Variants in HNF1B observed in about 807,000 individuals in gnomAD.
The protein encoded by HNF1B is HNF1 homeobox B.
HNF1B carries 8 observed loss-of-function variants against 61.7 expected under a neutral mutation model. The ratio of observed to expected loss-of-function variants is 0.13; its 90% CI spans 0.08 to 0.23. HNF1B has a LOEUF of 0.23. Among genes scored for constraint, HNF1B ranks in the 10% least tolerant of loss-of-function variants. The probability of loss-of-function intolerance (pLI) is 1.00; values close to 1 mark genes in which losing one functional copy is unlikely to be tolerated. For missense variants in HNF1B, 562 were observed against 714.5 expected (o/e 0.79, Z 2.43); for synonymous variants, 314 against 287.7 (o/e 1.09, Z -0.93).
At chr17:37,711,120 T>C (rs1568646115) in intron 4 of HNF1B, among the ~76,000 whole-genome samples, 1 of 152,184 alleles carries the variant, frequency 6.6e-6, no homozygotes, top group Non-Finnish European at 1.5e-5. Context: ...TGCTGCAAAG[T>C]ATAAGTAGAC....
chr17:37,704,784 T>A lies in HNF1B; in HGVS notation c.1339+133A>T, dbSNP rs2032685448. On this transcript the variant is annotated intron_variant, in intron 6 of 8. Coordinates refer to ENST00000617811, the MANE Select transcript of HNF1B (RefSeq NM_000458.4). ...GGATTTAAGGAGACAGATGAGAAAC[T>A]AAAGAAGTTAAACCAAATCTACTAG... is the stretch of plus-strand genomic sequence containing the variant. 1.4e-5 allele frequency: 14 copies of A among 1,005,440 alleles called. No homozygotes were observed. In the South Asian group the frequency reaches 1.8e-4, roughly 13 times the overall value. 62.3% of individuals were successfully genotyped at this position (1,005,440 alleles called of 1,614,324 possible).
At chr17:37,720,706 G>C in intron 4 of HNF1B, 1 of 798,112 alleles carries the variant, frequency 1.3e-6, no homozygotes. Flanking sequence ...CAGGGCTATG[G>C]GCTGGAGACA....
Position 37,716,850 on chromosome 17 carries a change from C to A in HNF1B, c.1046-6187G>T, listed in dbSNP as rs1173444585. ...CTCTAGACACTTTAACAATCTCTCT[C>A]TCTCTCTCTCTCTCTCTCTCTCTCT... is the stretch of plus-strand genomic sequence containing the variant. On this transcript the variant is annotated intron_variant, in intron 4 of 8. Coordinates refer to ENST00000617811, the MANE Select transcript of HNF1B (RefSeq NM_000458.4). 3.0e-3 allele frequency among the ~76,000 whole-genome samples: 162 copies of A among 53,780 alleles called. 1 individual carries two copies. Among genetic ancestry groups the A allele is most frequent in the Admixed American group, 4.2e-3 (28 of 6,726 alleles). 35.3% of individuals were successfully genotyped at this position (53,780 alleles called of 152,430 possible).
chr17:37,707,886 G>C (rs1369551854), intron 5 of HNF1B, among the ~76,000 whole-genome samples: 1 of 152,044 alleles, frequency 6.6e-6, no homozygotes, highest in African/African-American at 2.4e-5. Context: ...GTACAACAGA[G>C]AGTTCAAATG....
Position 37,687,083 on chromosome 17 carries a change from T to C in HNF1B, c.*289A>G. On this transcript the variant is annotated 3_prime_UTR_variant, in exon 9 of 9. Coordinates refer to ENST00000617811, the MANE Select transcript of HNF1B (RefSeq NM_000458.4). ...TCACAACATAGACAGTACGGCTTTC[T>C]TGCTTCCTCTTCGGAGGTTCCTTGT... The C allele has an allele frequency of 1.6e-6, 1 of 606,962 alleles. No homozygotes were observed. The highest frequency in any genetic ancestry group is 1.9e-5 in the South Asian group (1 of 51,644). 37.6% of individuals were successfully genotyped at this position (606,962 alleles called of 1,614,324 possible).
chr17:37,689,770 G>A (rs1334554440), intron 8 of HNF1B, among the ~76,000 whole-genome samples: 1 of 152,192 alleles, frequency 6.6e-6, no homozygotes, highest in Non-Finnish European at 1.5e-5. Flanking sequence ...ACATCCTACT[G>A]TGTGCCAGGC....
At chr17:37,739,695 T>G in intron 1 of HNF1B, 56 bp from the exon 2 acceptor site, 2 of 1,434,262 alleles carry the variant, frequency 1.4e-6, no homozygotes, top group Non-Finnish European at 1.9e-6. Context: ...GGGAGAAACA[T>G]TCTTTTTCTA....
chr17:37,709,116 G>A (rs754116664), intron 5 of HNF1B, among the ~76,000 whole-genome samples: 6 of 152,142 alleles, frequency 3.9e-5, no homozygotes, highest in African/African-American at 1.4e-4. Context: ...CCAAAGAATA[G>A]AGCTTTCCAT....
At chr17:37,699,032 C>T (rs746458547) in intron 8 of HNF1B, 44 bp downstream of exon 8, 32 of 1,406,188 alleles carry the variant, frequency 2.3e-5, no homozygotes, top group Non-Finnish European at 3.0e-5. Flanking sequence ...GGCCTTATCA[C>T]ACCCTGCCCA....
Position 37,744,927 on chromosome 17 carries a change from T to TGGGGGGGG in HNF1B, c.-44_-43insCCCCCCCC. 1.3e-6 allele frequency: 1 copy of TGGGGGGGG among 783,034 alleles called. No homozygotes were observed. Among genetic ancestry groups the TGGGGGGGG allele is most frequent in the Non-Finnish European group, 2.1e-6 (1 of 468,002 alleles). The allele number at this position is 783,034 out of a possible 1,614,324, so 48.5% of individuals were successfully genotyped here. A position where few individuals can be genotyped will look rare whatever the true frequency, so the allele number is the denominator to read the frequency against. ...AGAAGGGGGTGAGGGGGTGGGTGGG[T>TGGGGGGGG]GCGAGAGAGGAGGGTGGAGGGGAGT... On this transcript the variant is annotated 5_prime_UTR_variant, in exon 1 of 9. Transcript: ENST00000617811.
At chr17:37,731,207 T>C in intron 4 of HNF1B, 2 of 338,106 alleles carry the variant, frequency 5.9e-6, no homozygotes, top group Non-Finnish European at 1.1e-5. Flanking sequence ...CGGAGTGCCA[T>C]CCTCCAACAC....
intron 4 of HNF1B, among the ~76,000 whole-genome samples, chr17:37,727,809 T>C (rs1167746915): frequency 6.6e-6 from 1 of 151,670 alleles, no homozygotes; most frequent in Admixed American, 6.6e-5. Flanking sequence ...AGGAAGAGGG[T>C]TCTGGGGAAG....
rs557903083 is a variant in HNF1B at position 37,744,980 on chromosome 17, C to T, written c.-96G>A. Reference sequence around the variant, plus strand: ...CACAAGCAAACCCCAAATCCAGGAACCCCTCCACCCTTCAGCCTCCAGACA... The same window carrying T: ...CACAAGCAAACCCCAAATCCAGGAATCCCTCCACCCTTCAGCCTCCAGACA... On this transcript the variant is annotated 5_prime_UTR_variant, in exon 1 of 9. Transcript: ENST00000617811. 9 of 1,061,988 alleles carry T rather than the reference C, an allele frequency of 8.5e-6. No individual in the cohort carries two copies. The highest frequency in any genetic ancestry group is 2.9e-5 in the South Asian group (2 of 68,762). The allele number at this position is 1,061,988 out of a possible 1,614,324, so 65.8% of individuals were successfully genotyped here.
At chr17:37,722,192 G>A (rs554262321) in intron 4 of HNF1B, among the ~76,000 whole-genome samples, 254 of 152,256 alleles carry the variant, frequency 1.7e-3, no homozygotes, top group Admixed American at 4.0e-3. Context: ...AATCCTTCCC[G>A]ATTGAAACTA....
At position 37,744,677 on chromosome 17, in the gene HNF1B, C is replaced by A. The variant is rs761609163; in HGVS notation, c.208G>T (p.Ala70Ser). ...TCGTCGCCGGACAAGCGGCCCTTGG[C>A]GTGGCCGTTGGTGAGAGTATGGAAG... ...PVFHTLTNGH[A>S]KGRLSGDEGS... The change falls in exon 1 of 9, where the codon GCC becomes TCC. Residue 70 changes from alanine to serine, a missense_variant. This residue lies in a region of HNF1B where 148 missense variants were observed against 147.3 expected (regional missense o/e 1.00). Transcript: ENST00000617811. The A allele has an allele frequency of 4.3e-6, 7 of 1,613,328 alleles. No homozygotes were observed. In the African/African-American group the frequency reaches 8.0e-5, roughly 18 times the overall value.
At chr17:37,737,782 C>T (rs2033875765) in intron 2 of HNF1B, among the ~76,000 whole-genome samples, 1 of 151,994 alleles carries the variant, frequency 6.6e-6, no homozygotes, top group African/African-American at 2.4e-5. Context: ...TTGCAGTGAG[C>T]CAAGATCGCG....
intron 2 of HNF1B, among the ~76,000 whole-genome samples, chr17:37,736,107 T>G (rs1182639043): frequency 6.6e-6 from 1 of 152,190 alleles, no homozygotes; most frequent in Non-Finnish European, 1.5e-5. Context: ...CTCTATGGTA[T>G]TTGACTTCAC....
intron 4 of HNF1B, among the ~76,000 whole-genome samples, chr17:37,724,930 GTGTGTGTA>G (rs1433184032): frequency 0.17 from 20,372 of 122,280 alleles, 1,527 homozygotes; most frequent in East Asian, 0.28. Context: ...GTGTGTGTGT[GTGTGTGTA>G]TATATATATA....
intron 4 of HNF1B, among the ~76,000 whole-genome samples, chr17:37,725,256 C>T (rs753082224): frequency 5.9e-5 from 9 of 152,182 alleles, no homozygotes; most frequent in Non-Finnish European, 1.2e-4. Flanking sequence ...GGCAAGGAGT[C>T]CTTGAATCGT....
Sources: allele counts gnomAD v4.1 joint callset (sites outside exome capture counted in the v4.1 genomes callset), GRCh38; gene constraint gnomAD v4.1.1; regional missense constraint gnomAD v4.1.1; transcripts MANE v1.5; gene names NCBI Gene and HGNC (gene_info 2026-07-23, HGNC 2026-07-21).